AP1G1: variants seen among roughly 807,000 people sequenced by gnomAD.
The protein encoded by AP1G1 is adaptor related protein complex 1 subunit gamma 1.
Under a neutral mutation model 108.3 loss-of-function variants are expected in AP1G1, and 7 were observed. That is an observed-to-expected ratio of 0.06 (90% CI 0.04 to 0.12). The LOEUF (loss-of-function observed/expected upper bound fraction) is 0.12. AP1G1 is among the 10% of genes least tolerant of loss of function. The pLI, the probability that AP1G1 is intolerant of heterozygous loss-of-function variation, is 1.00. For missense variants in AP1G1, 756 were observed against 1,010.7 expected (o/e 0.75, Z 3.42); for synonymous variants, 379 against 353.5 (o/e 1.07, Z -0.81).
intron 5 of AP1G1, among the ~76,000 whole-genome samples, chr16:71,770,720 T>C (rs1461315414): frequency 2.6e-5 from 4 of 152,236 alleles, no homozygotes; most frequent in Admixed American, 2.6e-4. Flanking sequence ...TCTGCCCACC[T>C]TGGCCTCCCA....
intron 1 of AP1G1, among the ~76,000 whole-genome samples, chr16:71,802,832 G>C (rs1196334384): frequency 6.6e-6 from 1 of 152,102 alleles, no homozygotes; most frequent in Non-Finnish European, 1.5e-5. Flanking sequence ...AAAGTACTGG[G>C]ATTACAGACA....
At chr16:71,785,635 A>G (rs1261652951) in intron 2 of AP1G1, among the ~76,000 whole-genome samples, 1 of 151,082 alleles carries the variant, frequency 6.6e-6, no homozygotes, top group East Asian at 1.9e-4. Flanking sequence ...CTGTAATCCC[A>G]GCACTTTGGG....
intron 1 of AP1G1, among the ~76,000 whole-genome samples, chr16:71,791,721 G>A (rs1264264833): frequency 1.3e-5 from 2 of 148,980 alleles, no homozygotes; most frequent in Non-Finnish European, 3.0e-5. Context: ...ATTAAGATAT[G>A]GTCACACGGC....
chr16:71,777,106 C>CAAAAA (rs57955419), intron 2 of AP1G1, among the ~76,000 whole-genome samples: 3 of 48,066 alleles, frequency 6.2e-5, no homozygotes, highest in Non-Finnish European at 1.0e-4. Context: ...CAAACTGTTA[C>CAAAAA]AAAAAAAAAA....
In AP1G1 at chr16:71,801,441, T is replaced by C. The variant is rs1250334478; in HGVS notation, c.-4+7322A>G. ...TACGTGAGTATGTACAGTACTTAAC[T>C]AAGCATTGAGAGAAATATTGAAGCG... On this transcript the variant is annotated intron_variant, in intron 1 of 22. Coordinates refer to ENST00000299980, the MANE Select transcript of AP1G1 (RefSeq NM_001128.6). 2.0e-5 allele frequency among the ~76,000 whole-genome samples: 3 copies of C among 152,132 alleles called. No individual in the cohort carries two copies. In the East Asian group the frequency reaches 5.8e-4, roughly 29 times the overall value.
chr16:71,762,478 GA>G (rs749274798), intron 9 of AP1G1, among the ~76,000 whole-genome samples: 4 of 152,128 alleles, frequency 2.6e-5, no homozygotes, highest in Non-Finnish European at 5.9e-5. Flanking sequence ...GATATTAGAC[GA>G]TTGGAACTTT....
chr16:71,784,839 G>C (rs900908380), intron 2 of AP1G1, among the ~76,000 whole-genome samples: 3 of 151,294 alleles, frequency 2.0e-5, no homozygotes, highest in East Asian at 3.9e-4. Context: ...GATTACAGGC[G>C]TAAGTCACCG....
At position 71,758,834 on chromosome 16, in the gene AP1G1, A is replaced by G; in HGVS notation, c.1062T>C (p.Leu354=). 6.2e-7 allele frequency: 1 copy of G among 1,607,714 alleles called. No individual in the cohort carries two copies. Among genetic ancestry groups the G allele is most frequent in the Non-Finnish European group, 8.5e-7 (1 of 1,177,398 alleles). The change falls in exon 11 of 23, where the codon CTT becomes CTC. Residue 354 remains leucine, a synonymous_variant. Coordinates refer to ENST00000299980, the MANE Select transcript of AP1G1 (RefSeq NM_001128.6). ...GTTTTATTGAGACATCCAAATCTTT[A>G]AGACAGTCCACAATTGTGCTTCTGT... The part of the protein sequence containing the change: ...QRHRSTIVDC[L]KDLDVSIKRR...
At chr16:71,756,395 G>C in intron 11 of AP1G1, 1 of 378,902 alleles carries the variant, frequency 2.6e-6, no homozygotes, top group Non-Finnish European at 4.7e-6. Flanking sequence ...GTCCCTACGA[G>C]ATATACCACT....
intron 4 of AP1G1, among the ~76,000 whole-genome samples, chr16:71,772,510 T>C (rs2031616617): frequency 6.6e-6 from 1 of 152,204 alleles, no homozygotes. Context: ...CACATATTCT[T>C]TAAGAAAAAG....
At chr16:71,753,644 A>G in intron 13 of AP1G1, 189 bp downstream of exon 13, 2 of 618,708 alleles carry the variant, frequency 3.2e-6, no homozygotes, top group Non-Finnish European at 5.8e-6. Context: ...CCTATATCCC[A>G]CCTTATCCTG....
intron 21 of AP1G1, among the ~76,000 whole-genome samples, chr16:71,738,665 C>G (rs2045580559): frequency 6.6e-6 from 1 of 152,206 alleles, no homozygotes; most frequent in Non-Finnish European, 1.5e-5. Flanking sequence ...ATGCCCTGAG[C>G]ATTAACTGAT....
At chr16:71,807,337 C>T (rs534295240) in intron 1 of AP1G1, among the ~76,000 whole-genome samples, 2 of 152,332 alleles carry the variant, frequency 1.3e-5, no homozygotes, top group African/African-American at 4.8e-5. Flanking sequence ...GAGGCTGAGG[C>T]AGGAGAACTG....
chr16:71,770,028 C>T (rs2031509186), intron 5 of AP1G1, among the ~76,000 whole-genome samples: 1 of 152,164 alleles, frequency 6.6e-6, no homozygotes, highest in Non-Finnish European at 1.5e-5. Context: ...CTGTTCTATA[C>T]TTAATCAGTA....
chr16:71,798,530 A>T (rs1408113213), intron 1 of AP1G1, among the ~76,000 whole-genome samples: 2 of 151,964 alleles, frequency 1.3e-5, no homozygotes, highest in East Asian at 3.9e-4. Context: ...TCAGAAACCA[A>T]AGAGGAAAAG....
At chr16:71,746,075 T>C (rs765668077) in intron 17 of AP1G1, among the ~76,000 whole-genome samples, 7 of 152,078 alleles carry the variant, frequency 4.6e-5, no homozygotes, top group Non-Finnish European at 1.0e-4. Context: ...AGTGGCATGA[T>C]CTTGGCTCAC....
chr16:71,779,085 C>A (rs2031902586), intron 2 of AP1G1, among the ~76,000 whole-genome samples: 1 of 152,158 alleles, frequency 6.6e-6, no homozygotes, highest in South Asian at 2.1e-4. Context: ...AAAACTTTTA[C>A]TTCAAACTCT....
At chr16:71,777,819 T>A in intron 2 of AP1G1, 1 of 389,916 alleles carries the variant, frequency 2.6e-6, no homozygotes, top group South Asian at 2.0e-5. Flanking sequence ...ACTGCCTCCA[T>A]GCTTTTCTCC....
rs150806547 is a variant in AP1G1, at chr16:71,737,318, C to G, written c.2268+1624G>C. The stretch of plus-strand genomic sequence containing the variant: ...TCTTTTTTTTGGACAGCGTCTCACT[C>G]TATCACCCAGGCTAAAGTGCAGTGG... On this transcript the variant is annotated intron_variant, in intron 21 of 22. Transcript: ENST00000299980. Among the ~76,000 whole-genome samples, 284 of 152,250 alleles carry G rather than the reference C, an allele frequency of 1.9e-3. 1 individual carries two copies. The highest frequency in any genetic ancestry group is 0.01 in the Middle Eastern group (3 of 294).
Sources: allele counts gnomAD v4.1 joint callset (sites outside exome capture counted in the v4.1 genomes callset), GRCh38; gene constraint gnomAD v4.1.1; transcripts MANE v1.5; gene names NCBI Gene and HGNC (gene_info 2026-07-23, HGNC 2026-07-21).